The following SLC24A3 variants were observed in gnomAD, a reference collection of about 807,000 sequenced individuals.
SLC24A3 encodes solute carrier family 24 member 3.
A neutral mutation model predicts 75.8 loss-of-function variants in SLC24A3; 28 were observed. The ratio of observed to expected loss-of-function variants is 0.37; its 90% CI spans 0.27 to 0.51. SLC24A3 has a LOEUF of 0.51. Ranked by LOEUF, SLC24A3 falls within the 20% of genes least tolerant of loss-of-function variation. SLC24A3 has a pLI of 0.94. For missense variants in SLC24A3, 663 were observed against 847.8 expected, an observed-to-expected ratio of 0.78 and a Z score of 2.71; for synonymous variants, 372 against 334.1, an observed-to-expected ratio of 1.11 and a Z score of -1.24.
chr20:19,708,493 C>A (rs1301479160), intron 15 of SLC24A3, among the ~76,000 whole-genome samples: 1 of 152,200 alleles, frequency 6.6e-6, no homozygotes, highest in Non-Finnish European at 1.5e-5. Context: ...CCCTTTTCTG[C>A]AAATTCCTTC....
intron 1 of SLC24A3, chr20:19,213,553 G>A (rs1981469185): frequency 6.6e-6 from 1 of 152,252 alleles, no homozygotes. Context: ...GCTAGTAGGG[G>A]ACTTGTTCTC....
intron 6 of SLC24A3, among the ~76,000 whole-genome samples, chr20:19,653,025 GACT>G (rs1411206119): frequency 4.6e-5 from 7 of 152,178 alleles, no homozygotes; most frequent in African/African-American, 1.7e-4. Context: ...AAGGTGTGTG[GACT>G]CTCCCAGACT....
At chr20:19,409,291 G>A (rs560495484) in intron 2 of SLC24A3, among the ~76,000 whole-genome samples, 4 of 152,306 alleles carry the variant, frequency 2.6e-5, no homozygotes, top group African/African-American at 4.8e-5. Flanking sequence ...GTGCATGGGC[G>A]AGGGGAGGTG....
intron 2 of SLC24A3, among the ~76,000 whole-genome samples, chr20:19,449,476 C>A (rs1244531028): frequency 3.3e-5 from 5 of 152,182 alleles, no homozygotes; most frequent in Admixed American, 3.3e-4. Context: ...GGGCTTGAAT[C>A]AGGAATTTAG....
chr20:19,238,157 C>T (rs1182503868), intron 1 of SLC24A3, among the ~76,000 whole-genome samples: 3 of 152,114 alleles, frequency 2.0e-5, no homozygotes, highest in Non-Finnish European at 4.4e-5. Context: ...GAAACCTGCA[C>T]ATGGTCCTTC....
At chr20:19,548,979 C>G (rs1435356551) in intron 3 of SLC24A3, among the ~76,000 whole-genome samples, 1 of 152,192 alleles carries the variant, frequency 6.6e-6, no homozygotes, top group Non-Finnish European at 1.5e-5. Flanking sequence ...ATAGAGCCAA[C>G]CAAGGGCATA....
At chr20:19,235,300 G>A (rs1310886677) in intron 1 of SLC24A3, among the ~76,000 whole-genome samples, 1 of 152,240 alleles carries the variant, frequency 6.6e-6, no homozygotes, top group Non-Finnish European at 1.5e-5. Context: ...TAGTGCAGAA[G>A]TAAGGTGAGG....
chr20:19,440,789 G>A (rs1987284722), intron 2 of SLC24A3, among the ~76,000 whole-genome samples: 1 of 152,038 alleles, frequency 6.6e-6, no homozygotes. Context: ...CCAGGGTTCT[G>A]CCAGGCATCT....
chr20:19,324,334 A>G (rs1431337453), intron 2 of SLC24A3, among the ~76,000 whole-genome samples: 1 of 152,196 alleles, frequency 6.6e-6, no homozygotes, highest in Non-Finnish European at 1.5e-5. Context: ...TTGGTTTGCA[A>G]CCATTTTTGA....
chr20:19,573,884 G>C (rs1438307377), intron 3 of SLC24A3, among the ~76,000 whole-genome samples: 1 of 152,172 alleles, frequency 6.6e-6, no homozygotes, highest in Admixed American at 6.5e-5. Context: ...AAGGTTTAAT[G>C]ACTAATGAAT....
At chr20:19,473,576 T>A (rs1222126614) in intron 2 of SLC24A3, among the ~76,000 whole-genome samples, 1 of 152,226 alleles carries the variant, frequency 6.6e-6, no homozygotes, top group Non-Finnish European at 1.5e-5. Flanking sequence ...TTATTCCCAT[T>A]TCTGAGGTCA....
intron 2 of SLC24A3, among the ~76,000 whole-genome samples, chr20:19,443,424 A>G (rs764042729): frequency 6.6e-6 from 1 of 151,870 alleles, no homozygotes; most frequent in African/African-American, 2.4e-5. Flanking sequence ...ATTTTTTGTT[A>G]TTTGGTGCTA....
At chr20:19,716,940 C>CA (rs933389975) in intron 15 of SLC24A3, among the ~76,000 whole-genome samples, 1 of 152,074 alleles carries the variant, frequency 6.6e-6, no homozygotes, top group Non-Finnish European at 1.5e-5. Flanking sequence ...CCCCATTCTG[C>CA]AAAAAACAAA....
intron 2 of SLC24A3, among the ~76,000 whole-genome samples, chr20:19,282,315 A>G (rs539837265): frequency 6.6e-6 from 1 of 152,312 alleles, no homozygotes; most frequent in African/African-American, 2.4e-5. Context: ...AACAAAAACA[A>G]ACAAAAAAAA....
chr20:19,556,078 C>T (rs2030779079), intron 3 of SLC24A3, among the ~76,000 whole-genome samples: 1 of 152,078 alleles, frequency 6.6e-6, no homozygotes, highest in South Asian at 2.1e-4. Context: ...GGCAAGGCAG[C>T]TCTCTGGGGC....
chr20:19,569,026 G>A (rs567062006), intron 3 of SLC24A3, among the ~76,000 whole-genome samples: 3 of 152,108 alleles, frequency 2.0e-5, no homozygotes, highest in African/African-American at 7.2e-5. Flanking sequence ...CTTAGAAATG[G>A]AAATGGTTCA....
chr20:19,229,029 A>G (rs1428474666), intron 1 of SLC24A3, among the ~76,000 whole-genome samples: 1 of 152,208 alleles, frequency 6.6e-6, no homozygotes, highest in Non-Finnish European at 1.5e-5. Flanking sequence ...TGCCTGCCTT[A>G]CAGTCTTCTA....
intron 2 of SLC24A3, among the ~76,000 whole-genome samples, chr20:19,344,737 C>T (rs557722069): frequency 6.6e-6 from 1 of 152,280 alleles, no homozygotes; most frequent in African/African-American, 2.4e-5. Flanking sequence ...GAAATTAACT[C>T]CCCAGCACTC....
chr20:19,580,547 C>T (rs1245029311), intron 4 of SLC24A3, among the ~76,000 whole-genome samples: 2 of 151,968 alleles, frequency 1.3e-5, no homozygotes, highest in Non-Finnish European at 2.9e-5. Context: ...ATGCTCCAAG[C>T]GGAAGCACTG....
Sources: gnomAD v4.1 joint callset for allele counts (sites outside exome capture counted in the v4.1 genomes callset) on GRCh38, gnomAD v4.1.1 for gene constraint, MANE v1.5 for transcripts, NCBI Gene and HGNC (gene_info 2026-07-23, HGNC 2026-07-21) for gene names.